Variants in RANBP2 observed in about 807,000 individuals in gnomAD.
RANBP2 encodes the protein RAN binding protein 2, also known as E3 SUMO-protein ligase RanBP2.
In RANBP2, 57 loss-of-function variants were observed where a neutral mutation model predicts 303.6. The ratio of observed to expected loss-of-function variants is 0.19; its 90% CI spans 0.15 to 0.23. The LOEUF is 0.23. RANBP2 is among the 10% of genes least tolerant of loss of function. The pLI, the probability that RANBP2 is intolerant of heterozygous loss-of-function variation, is 1.00. For missense variants in RANBP2, 3,138 were observed against 3,780.8 expected, an observed-to-expected ratio of 0.83 and a Z score of 4.46; for synonymous variants, 1,167 against 1,301.5, an observed-to-expected ratio of 0.90 and a Z score of 2.23.
chr2:109,732,550 C>T, the RANBP2 span, among the ~76,000 whole-genome samples: 1 of 118,672 alleles, frequency 8.4e-6, no homozygotes, highest in South Asian at 2.7e-4. Flanking sequence ...GTAGTCTCGG[C>T]TTACTGCAAC....
chr2:109,167,506 G>A, the RANBP2 span, among the ~76,000 whole-genome samples: 1 of 152,122 alleles, frequency 6.6e-6, no homozygotes, highest in Non-Finnish European at 1.5e-5. Flanking sequence ...GTTTTACATT[G>A]TATTTCCCCA....
In RANBP2 at chr2:108,783,932, G is replaced by A. The variant is rs764452479; in HGVS notation, c.*31G>A. The A allele has an allele frequency of 3.2e-6, 5 of 1,565,514 alleles. No homozygotes were observed. In the South Asian group the frequency reaches 4.5e-5, roughly 14 times the overall value. Reference sequence around the variant, plus strand: ...TTGTTGTTCATAGAAAATTTCATCTGTATAAGCAGTTGGATTGAAGCTTAG... The same window carrying A: ...TTGTTGTTCATAGAAAATTTCATCTATATAAGCAGTTGGATTGAAGCTTAG... On this transcript the variant is annotated 3_prime_UTR_variant, in exon 29 of 29. Transcript: ENST00000283195.
At chr2:109,396,589 G>C in the RANBP2 span, among the ~76,000 whole-genome samples, 1,248 of 152,294 alleles carry the variant, frequency 8.2e-3, 12 homozygotes, top group African/African-American at 0.028. Flanking sequence ...ACTCATCAAG[G>C]TGCTACCAGC....
the RANBP2 span, among the ~76,000 whole-genome samples, chr2:109,147,765 C>T: frequency 1.1e-4 from 17 of 152,292 alleles, no homozygotes; most frequent in African/African-American, 3.6e-4. Flanking sequence ...AGTTAACAAG[C>T]AGTTGTTTTA....
Position 108,785,232 on chromosome 2 carries a change from AAT to A in RANBP2, c.*1332_*1333del, listed in dbSNP as rs1377854736. On this transcript the variant is annotated 3_prime_UTR_variant, in exon 29 of 29. Coordinates refer to ENST00000283195, the MANE Select transcript of RANBP2 (RefSeq NM_006267.5). ...AAGAGGGGAGGGATGTTGTGCGAGT[AAT>A]GAGTGATGGTATACCATCACCATTC... 2 of 152,330 alleles carry A rather than the reference AAT, an allele frequency of 1.3e-5. No homozygotes were observed. The highest frequency in any genetic ancestry group is 4.1e-4 in the South Asian group (2 of 4,824). The allele number at this position is 152,330 out of a possible 1,614,324, so 9.4% of individuals were successfully genotyped here.
At chr2:109,237,321 C>T in the RANBP2 span, among the ~76,000 whole-genome samples, 7 of 152,102 alleles carry the variant, frequency 4.6e-5, no homozygotes, top group African/African-American at 9.7e-5. Context: ...AATGTTTGAT[C>T]TTGGTAATCA....
At chr2:109,141,358 TTCC>T in the RANBP2 span, 1 of 152,626 alleles carries the variant, frequency 6.6e-6, no homozygotes, top group African/African-American at 2.4e-5. Context: ...TGGGTCCCTC[TTCC>T]TCCAACTTGC....
chr2:109,038,542 TA>T, the RANBP2 span, among the ~76,000 whole-genome samples: 4 of 152,030 alleles, frequency 2.6e-5, no homozygotes, highest in Admixed American at 6.5e-5. Flanking sequence ...AAAATAAATT[TA>T]AAACCCCAAA....
chr2:109,687,162 C>G, the RANBP2 span, among the ~76,000 whole-genome samples: 30 of 152,254 alleles, frequency 2.0e-4, no homozygotes, highest in African/African-American at 7.2e-4. Flanking sequence ...CTGCCATGAG[C>G]AGAGACATCT....
chr2:109,247,390 A>T, the RANBP2 span, among the ~76,000 whole-genome samples: 2 of 152,222 alleles, frequency 1.3e-5, no homozygotes, highest in African/African-American at 2.4e-5. Flanking sequence ...AACCTAGCAC[A>T]CTTGTGTAAG....
At chr2:108,819,765 C>CA in the RANBP2 span, among the ~76,000 whole-genome samples, 1 of 151,904 alleles carries the variant, frequency 6.6e-6, no homozygotes, top group Non-Finnish European at 1.5e-5. Flanking sequence ...CCCAAATACC[C>CA]ATTAAAAAAG....
At chr2:108,754,145 G>A (rs1352301499) in intron 15 of RANBP2, among the ~76,000 whole-genome samples, 174 bp downstream of exon 15, 1 of 152,104 alleles carries the variant, frequency 6.6e-6, no homozygotes, top group Non-Finnish European at 1.5e-5. Context: ...CTTAGGTTTG[G>A]TGTGTCTTTT....
At chr2:109,332,088 G>C in the RANBP2 span, among the ~76,000 whole-genome samples, 3 of 152,130 alleles carry the variant, frequency 2.0e-5, no homozygotes, top group African/African-American at 7.2e-5. Context: ...CCAGTCTTTT[G>C]GGTGCTTCTG....
chr2:109,456,322 G>A, the RANBP2 span, among the ~76,000 whole-genome samples: 3 of 152,240 alleles, frequency 2.0e-5, no homozygotes, highest in Admixed American at 1.3e-4. Context: ...GCTGCCTTCC[G>A]AGGGATAAGG....
At chr2:109,420,661 G>A in the RANBP2 span, among the ~76,000 whole-genome samples, 561 of 152,270 alleles carry the variant, frequency 3.7e-3, 5 homozygotes, top group Middle Eastern at 0.02. Context: ...TAGCCAGGAT[G>A]GTCTCGATCT....
chr2:109,671,699 A>G, the RANBP2 span, among the ~76,000 whole-genome samples: 1 of 152,108 alleles, frequency 6.6e-6, no homozygotes, highest in Admixed American at 6.5e-5. Context: ...GGACTTTTTC[A>G]AATTTCATGA....
chr2:108,888,699 CTTGA>C, the RANBP2 span, among the ~76,000 whole-genome samples: 1 of 151,706 alleles, frequency 6.6e-6, no homozygotes, highest in African/African-American at 2.4e-5. Flanking sequence ...GTCTTCTTTC[CTTGA>C]TTAATTTAGC....
intron 23 of RANBP2, among the ~76,000 whole-genome samples, chr2:108,774,063 CT>C (rs1677702734): frequency 6.6e-6 from 1 of 152,024 alleles, no homozygotes; most frequent in Non-Finnish European, 1.5e-5. Flanking sequence ...ATGTTTTTAC[CT>C]TTTTGTCAAA....
chr2:109,067,501 C>T, the RANBP2 span, among the ~76,000 whole-genome samples: 1 of 152,172 alleles, frequency 6.6e-6, no homozygotes, highest in Non-Finnish European at 1.5e-5. Flanking sequence ...GGGAGTTCTC[C>T]CAGCTCCAGG....
Sources: allele counts gnomAD v4.1 joint callset (sites outside exome capture counted in the v4.1 genomes callset), GRCh38; gene constraint gnomAD v4.1.1; transcripts MANE v1.5; gene names NCBI Gene and HGNC (gene_info 2026-07-23, HGNC 2026-07-21).